The following FLYWCH2 variants were observed in gnomAD, a reference collection of about 807,000 sequenced individuals.
FLYWCH2 encodes the protein FLYWCH family member 2.
FLYWCH2 carries 2 observed loss-of-function variants against 6.0 expected under a neutral mutation model. That is an observed-to-expected ratio of 0.33 (90% CI 0.14 to 1.04). The LOEUF is 1.04. Among genes scored for constraint, FLYWCH2 ranks in the 50% least tolerant of loss-of-function variants. The probability of loss-of-function intolerance (pLI) is 0.45; values close to 1 mark genes in which losing one functional copy is unlikely to be tolerated. For missense variants in FLYWCH2, 192 were observed against 183.4 expected (o/e 1.05, Z -0.27); for synonymous variants, 87 against 79.3 (o/e 1.10, Z -0.52).
At position 2,896,628 on chromosome 16, in the gene FLYWCH2, A is replaced by T. The variant is rs2069823997; in HGVS notation, c.179A>T (p.Lys60Met). Reference protein sequence around the residue: ...DSTKVAGAKRKGVHCVMSLGV... With the variant: ...DSTKVAGAKRMGVHCVMSLGV... Reference sequence around the variant, plus strand: ...ACCAAGGTGGCGGGGGCCAAGCGCAAGGGTGTGCACTGTGTCATGTCCCTG... The same window carrying T: ...ACCAAGGTGGCGGGGGCCAAGCGCATGGGTGTGCACTGTGTCATGTCCCTG... The change falls in exon 3 of 4, where the codon AAG becomes ATG. Residue 60 changes from lysine to methionine, a missense_variant. Physicochemically the swap from Lys to Met is moderately conservative, Grantham distance 95. Coordinates refer to ENST00000396958, the MANE Select transcript of FLYWCH2 (RefSeq NM_138439.3). 1 of 1,613,718 alleles carries T rather than the reference A, an allele frequency of 6.2e-7. No individual in the cohort carries two copies. The highest frequency in any genetic ancestry group is 1.7e-5 in the Admixed American group (1 of 60,004).
intron 1 of FLYWCH2, among the ~76,000 whole-genome samples, chr16:2,884,162 G>T (rs991666162): frequency 6.6e-6 from 1 of 152,154 alleles, no homozygotes; most frequent in African/African-American, 2.4e-5. Flanking sequence ...CTTCACCCTT[G>T]CCTGTCATCT....
At chr16:2,898,096 T>G (rs1189537091) in intron 3 of FLYWCH2, among the ~76,000 whole-genome samples, 1 of 152,100 alleles carries the variant, frequency 6.6e-6, no homozygotes, top group African/African-American at 2.4e-5. Flanking sequence ...TGATGGAAAT[T>G]GAGGGGTGAG....
At chr16:2,896,809 C>A in intron 3 of FLYWCH2, 38 bp downstream of exon 3, 1 of 1,578,006 alleles carries the variant, frequency 6.3e-7, no homozygotes. Flanking sequence ...CAGCTCGGCA[C>A]CTCCCAGGGT....
At chr16:2,887,987 C>T (rs528689023) in intron 1 of FLYWCH2, among the ~76,000 whole-genome samples, 2 of 135,766 alleles carry the variant, frequency 1.5e-5, no homozygotes, top group South Asian at 4.4e-4. Context: ...CTGTTGATCT[C>T]TGTGTCTGTG....
intron 1 of FLYWCH2, among the ~76,000 whole-genome samples, chr16:2,883,642 A>C (rs774400900): frequency 6.6e-6 from 1 of 151,840 alleles, no homozygotes; most frequent in Non-Finnish European, 1.5e-5. Flanking sequence ...CGCCGCGCCC[A>C]GCGCTGCCTT....
Position 2,896,526 on chromosome 16 carries a change from C to T in FLYWCH2, c.77C>T (p.Thr26Ile), listed in dbSNP as rs1407163112. 1 of 1,614,180 alleles carries T rather than the reference C, an allele frequency of 6.2e-7. No homozygotes were observed. The highest frequency in any genetic ancestry group is 8.5e-7 in the Non-Finnish European group (1 of 1,180,012). ...CAGGAGCCATCCCCCAAGCCAGGCA[C>T]AGAAGTCATCCCGGCAGCCCCCAGG... ...ASQEPSPKPG[T>I]EVIPAAPRKP... Residue 26 changes from threonine to isoleucine, a missense_variant, in exon 3 of 4, where the codon ACA (threonine) becomes ATA (isoleucine). Coordinates refer to ENST00000396958, the MANE Select transcript of FLYWCH2 (RefSeq NM_138439.3).
At position 2,883,287 on chromosome 16, in the gene FLYWCH2, T is replaced by TCA. The variant is rs2069660580; in HGVS notation, c.-279_-278insCA. ...CCCGGCTTGAGGTAACAGCGCGAGC[T>TCA]GAGGCTGGGGCCCTTGGCGCGGAGG... is the stretch of plus-strand genomic sequence containing the variant. On this transcript the variant is annotated 5_prime_UTR_variant, in exon 1 of 4. Coordinates refer to ENST00000396958, the MANE Select transcript of FLYWCH2 (RefSeq NM_138439.3). 2.0e-5 allele frequency: 3 copies of TCA among 152,264 alleles called. No homozygotes were observed. The highest frequency in any genetic ancestry group is 6.5e-5 in the Admixed American group (1 of 15,280). The allele number at this position is 152,264 out of a possible 1,614,324, so 9.4% of individuals were successfully genotyped here.
chr16:2,890,302 G>A (rs1476462617), intron 1 of FLYWCH2, among the ~76,000 whole-genome samples: 1 of 151,484 alleles, frequency 6.6e-6, no homozygotes, highest in African/African-American at 2.4e-5. Flanking sequence ...AGGCTGGAGT[G>A]CAGTGGTGAG....
At position 2,896,660 on chromosome 16, in the gene FLYWCH2, C is replaced by A. The variant is rs2069824453; in HGVS notation, c.211C>A (p.Pro71Thr). ...GVHCVMSLGV[P>T]GPATLAKALL... ...GCACTGTGTCATGTCCCTGGGGGTG[C>A]CCGGCCCCGCCACCCTTGCCAAGGC... Residue 71 changes from proline to threonine, a missense_variant, in exon 3 of 4, where the codon CCC becomes ACC. By Grantham distance (38) the Pro-to-Thr change is conservative. Coordinates refer to ENST00000396958, the MANE Select transcript of FLYWCH2 (RefSeq NM_138439.3). 1.9e-6 allele frequency: 3 copies of A among 1,613,134 alleles called. No individual in the cohort carries two copies. Among genetic ancestry groups the A allele is most frequent in the Non-Finnish European group, 2.5e-6 (3 of 1,179,854 alleles).
intron 1 of FLYWCH2, among the ~76,000 whole-genome samples, chr16:2,893,694 G>A (rs2069785277): frequency 7.1e-6 from 1 of 140,978 alleles, no homozygotes; most frequent in Admixed American, 7.6e-5. Context: ...CTGGAGTGCA[G>A]TGGCACGATC....
At chr16:2,891,376 G>A (rs889399736) in intron 1 of FLYWCH2, among the ~76,000 whole-genome samples, 1 of 152,150 alleles carries the variant, frequency 6.6e-6, no homozygotes, top group African/African-American at 2.4e-5. Context: ...CAGAGTGGCA[G>A]GGTTCTCTCT....
intron 1 of FLYWCH2, among the ~76,000 whole-genome samples, chr16:2,887,945 TAA>T (rs936961329): frequency 2.6e-5 from 4 of 152,010 alleles, no homozygotes; most frequent in Admixed American, 1.3e-4. Context: ...ACCATATATA[TAA>T]GAGTGTATTT....
chr16:2,894,585 G>A (rs189130880), intron 1 of FLYWCH2, among the ~76,000 whole-genome samples: 22 of 152,348 alleles, frequency 1.4e-4, no homozygotes, highest in Non-Finnish European at 2.4e-4. Context: ...AGGGCCGCAC[G>A]GGAGGAACAG....
chr16:2,896,902 G>A (rs1380089732), intron 3 of FLYWCH2, 131 bp downstream of exon 3: 1 of 880,140 alleles, frequency 1.1e-6, no homozygotes, highest in Admixed American at 2.7e-5. Context: ...CACGTGTGGA[G>A]AGCAGTGGCA....
At chr16:2,891,932 C>G (rs1215376988) in intron 1 of FLYWCH2, among the ~76,000 whole-genome samples, 2 of 151,948 alleles carry the variant, frequency 1.3e-5, no homozygotes, top group Non-Finnish European at 2.9e-5. Flanking sequence ...TGGCTCATGC[C>G]TGTAATCCCA....
chr16:2,894,423 C>T (rs183791494), intron 1 of FLYWCH2, among the ~76,000 whole-genome samples: 133 of 152,258 alleles, frequency 8.7e-4, no homozygotes, highest in Non-Finnish European at 1.5e-3. Flanking sequence ...GTGGGGAGAT[C>T]GGCCGCCAGA....
intron 1 of FLYWCH2, among the ~76,000 whole-genome samples, chr16:2,888,260 T>G (rs2069720698): frequency 6.6e-6 from 1 of 152,216 alleles, no homozygotes; most frequent in South Asian, 2.1e-4. Flanking sequence ...TCCACCCACC[T>G]TGGCCTCCCA....
At chr16:2,884,528 C>T (rs1433463112) in intron 1 of FLYWCH2, among the ~76,000 whole-genome samples, 6 of 108,350 alleles carry the variant, frequency 5.5e-5, no homozygotes, top group Non-Finnish European at 1.1e-4. Context: ...AGAGACCATT[C>T]TGACTAACAT....
Position 2,899,085 on chromosome 16 carries a change from G to C in FLYWCH2, c.359G>C (p.Gly120Ala). The C allele has an allele frequency of 6.2e-7, 1 of 1,613,640 alleles. No individual in the cohort carries two copies. The highest frequency in any genetic ancestry group is 8.5e-7 in the Non-Finnish European group (1 of 1,179,840). Residue 120 changes from glycine (G) to alanine (A), a missense_variant, in exon 4 of 4, where the codon GGG becomes GCG. By Grantham distance (60) the Gly-to-Ala change is moderately conservative. Transcript: ENST00000396958. ...DRTEDSGLAA[G>A]PPEAAGENFA... ...ACAGAAGACAGTGGATTAGCAGCGG[G>C]GCCTCCTGAGGCTGCTGGGGAGAAC...
Sources: allele counts gnomAD v4.1 joint callset (sites outside exome capture counted in the v4.1 genomes callset), GRCh38; gene constraint gnomAD v4.1.1; transcripts MANE v1.5; gene names NCBI Gene and HGNC (gene_info 2026-07-23, HGNC 2026-07-21).